The following CCDC144A variants were observed in gnomAD, a reference collection of about 807,000 sequenced individuals.
The protein encoded by CCDC144A is coiled-coil domain-containing protein 144A.
Under a neutral mutation model 143.8 loss-of-function variants are expected in CCDC144A, and 41 were observed. The ratio of observed to expected loss-of-function variants is 0.29; its 90% CI spans 0.22 to 0.37. The LOEUF is 0.37. Among genes scored for constraint, CCDC144A ranks in the 10% least tolerant of loss-of-function variants. The probability of loss-of-function intolerance (pLI) is 1.00; values close to 1 mark genes in which losing one functional copy is unlikely to be tolerated. For synonymous variants in CCDC144A, 242 were observed against 517.9 expected (o/e 0.47, Z 7.23); for missense variants, 637 against 1,488.8 (o/e 0.43, Z 9.41).
At chr17:16,682,202 G>GGTGTGT in the CCDC144A span, among the ~76,000 whole-genome samples, 427 of 145,332 alleles carry the variant, frequency 2.9e-3, 2 homozygotes, top group African/African-American at 9.9e-3. Context: ...TCTGAAAATG[G>GGTGTGT]GTGTGTGTGT....
intron 15 of CCDC144A, among the ~76,000 whole-genome samples, chr17:16,770,974 T>C (rs1256415987): frequency 6.6e-6 from 1 of 152,210 alleles, no homozygotes; most frequent in Non-Finnish European, 1.5e-5. Flanking sequence ...TCTCAAAATA[T>C]TGGTAAACCT....
Position 16,709,081 on chromosome 17 carries a change from C to A in CCDC144A, c.1024C>A (p.Pro342Thr). 3 of 1,611,526 alleles carry A rather than the reference C, an allele frequency of 1.9e-6. No homozygotes were observed. Among genetic ancestry groups the A allele is most frequent in the East Asian group, 2.2e-5 (1 of 44,846 alleles). ...DIPFNLTNNI[P>T]GCEEEDASEI... ...TCCCTTTAATTTGACAAATAACATACCTGGTTGTGAGGAAGAAGATGCATC... is the reference window on the plus strand; with the variant it reads ...TCCCTTTAATTTGACAAATAACATAACTGGTTGTGAGGAAGAAGATGCATC... The change falls in exon 5 of 17, where the codon CCT becomes ACT. Residue 342 changes from proline to threonine, a missense_variant. By Grantham distance (38) the Pro-to-Thr change is conservative (BLOSUM62 -1). Transcript: ENST00000399273.
At chr17:16,748,744 TA>T (rs1914652277) in intron 12 of CCDC144A, among the ~76,000 whole-genome samples, 1 of 152,238 alleles carries the variant, frequency 6.6e-6, no homozygotes, top group South Asian at 2.1e-4. Context: ...GTAGGTTTTT[TA>T]TTACTGATTC....
the CCDC144A span, among the ~76,000 whole-genome samples, chr17:16,675,372 A>G: frequency 1.3e-5 from 2 of 151,898 alleles, no homozygotes; most frequent in East Asian, 3.8e-4. Flanking sequence ...TGTTGTTTAC[A>G]TATATAAATA....
At chr17:16,681,717 G>A in the CCDC144A span, among the ~76,000 whole-genome samples, 1 of 151,900 alleles carries the variant, frequency 6.6e-6, no homozygotes, top group African/African-American at 2.4e-5. Flanking sequence ...AAAATTAGCC[G>A]GGTGTGGTGG....
At chr17:16,746,286 T>TTG in intron 12 of CCDC144A, 2 of 1,201,240 alleles carry the variant, frequency 1.7e-6, no homozygotes, top group South Asian at 3.1e-5. Context: ...TTTTTTTTTT[T>TTG]GCATCTTTCT....
intron 2 of CCDC144A, among the ~76,000 whole-genome samples, chr17:16,696,692 T>C (rs1258128405): frequency 6.6e-6 from 1 of 151,478 alleles, no homozygotes; most frequent in African/African-American, 2.4e-5. Flanking sequence ...ACTTTTCCTG[T>C]AGGCCATGGG....
chr17:16,772,611 A>G, intron 16 of CCDC144A: 4 of 1,422,588 alleles, frequency 2.8e-6, no homozygotes, highest in Non-Finnish European at 3.9e-6. Flanking sequence ...ATCCAGCCAA[A>G]CTGGACTGCA....
chr17:16,733,345 CA>C (rs1211860336), intron 11 of CCDC144A, among the ~76,000 whole-genome samples: 2 of 142,436 alleles, frequency 1.4e-5, no homozygotes, highest in African/African-American at 2.6e-5. Flanking sequence ...ACTAAAAATA[CA>C]AAAAAAATTA....
intron 9 of CCDC144A, among the ~76,000 whole-genome samples, chr17:16,728,237 G>A (rs2260828): frequency 2.0e-5 from 3 of 152,126 alleles, no homozygotes; most frequent in East Asian, 1.9e-4. Flanking sequence ...GGGTATCACT[G>A]TGTTGCTCAG....
intron 4 of CCDC144A, among the ~76,000 whole-genome samples, chr17:16,708,351 G>A (rs536566094): frequency 2.9e-4 from 44 of 152,202 alleles, no homozygotes; most frequent in African/African-American, 1.0e-3. Flanking sequence ...AGTAATCTAT[G>A]GAACTTACAT....
chr17:16,723,005 T>C (rs1913183331), intron 8 of CCDC144A, among the ~76,000 whole-genome samples: 1 of 152,172 alleles, frequency 6.6e-6, no homozygotes, highest in South Asian at 2.1e-4. Flanking sequence ...TTCAGGGTAA[T>C]GCTAGAGTGA....
intron 9 of CCDC144A, among the ~76,000 whole-genome samples, chr17:16,729,025 A>G (rs2621569): frequency 1.3e-5 from 2 of 152,098 alleles, no homozygotes; most frequent in African/African-American, 4.8e-5. Flanking sequence ...TATCTTCGCA[A>G]TTGTGAAATG....
intron 15 of CCDC144A, among the ~76,000 whole-genome samples, chr17:16,767,761 C>T (rs973363935): frequency 3.9e-5 from 6 of 152,220 alleles, no homozygotes; most frequent in African/African-American, 1.4e-4. Context: ...TGAAATCACA[C>T]ACCAGAGAAA....
At position 16,698,227 on chromosome 17, in the gene CCDC144A, C is replaced by T. The variant is rs542935834; in HGVS notation, c.415+5178C>T. Among the ~76,000 whole-genome samples the T allele has an allele frequency of 5.3e-5, 8 of 152,270 alleles. No homozygotes were observed. The East Asian group carries it at 1.5e-3, about 29-fold the overall frequency. On this transcript the variant is annotated intron_variant, in intron 2 of 16. Transcript: ENST00000399273. ...TTCCCAGAGGAATTAGGAAAGAAGC[C>T]TGAGCCGTGGCTAAAGAAAAAGAGG...
At chr17:16,710,623 T>C (rs1321839571) in intron 5 of CCDC144A, among the ~76,000 whole-genome samples, 1 of 152,056 alleles carries the variant, frequency 6.6e-6, no homozygotes, top group Admixed American at 6.6e-5. Flanking sequence ...CTTAATAAAG[T>C]ACAGTAAGTT....
intron 15 of CCDC144A, among the ~76,000 whole-genome samples, chr17:16,770,017 G>A (rs1915763063): frequency 1.3e-5 from 2 of 150,790 alleles, no homozygotes; most frequent in South Asian, 2.1e-4. Flanking sequence ...TAGTAGAGAC[G>A]GGGTTTCACC....
At chr17:16,677,184 C>T in the CCDC144A span, among the ~76,000 whole-genome samples, 1 of 152,048 alleles carries the variant, frequency 6.6e-6, no homozygotes, top group Non-Finnish European at 1.5e-5. Flanking sequence ...TCCTCTCTTC[C>T]CTCCACTTCT....
intron 12 of CCDC144A, among the ~76,000 whole-genome samples, chr17:16,759,522 T>C (rs1045354408): frequency 1.8e-4 from 28 of 151,916 alleles, no homozygotes; most frequent in Admixed American, 9.8e-4. Flanking sequence ...TTCTTTAGCT[T>C]ATCTCTTGCA....
Sources: gnomAD v4.1 joint callset for allele counts (sites outside exome capture counted in the v4.1 genomes callset) on GRCh38, gnomAD v4.1.1 for gene constraint, MANE v1.5 for transcripts, NCBI Gene and HGNC (gene_info 2026-07-23, HGNC 2026-07-21) for gene names.